The following NEDD9 variants were observed in gnomAD, a reference collection of about 807,000 sequenced individuals.
NEDD9 encodes the protein enhancer of filamentation 1.
NEDD9 carries 26 observed loss-of-function variants against 76.6 expected under a neutral mutation model. The ratio of observed to expected loss-of-function variants is 0.34; its 90% CI spans 0.25 to 0.47. The LOEUF (loss-of-function observed/expected upper bound fraction) is 0.47. Ranked by LOEUF, NEDD9 falls within the 20% of genes least tolerant of loss-of-function variation. NEDD9 has a pLI of 1.00. For missense variants in NEDD9, 937 were observed against 1,058.5 expected (o/e 0.89, Z 1.59); for synonymous variants, 392 against 414.2 (o/e 0.95, Z 0.65).
At chr6:11,224,284 T>C (rs972674985) in intron 1 of NEDD9, among the ~76,000 whole-genome samples, 3 of 152,234 alleles carry the variant, frequency 2.0e-5, no homozygotes, top group Non-Finnish European at 4.4e-5. Context: ...CCAGTGCCTC[T>C]GGGCCTCTGT....
intron 1 of NEDD9, among the ~76,000 whole-genome samples, chr6:11,215,055 C>T (rs1448655074): frequency 3.3e-5 from 5 of 152,214 alleles, no homozygotes; most frequent in Non-Finnish European, 7.3e-5. Context: ...CTCGCGTCCC[C>T]TTGTGCTAGC....
chr6:11,291,186 T>C, intron 3 of NEDD9, among the ~76,000 whole-genome samples: 1 of 151,986 alleles, frequency 6.6e-6, no homozygotes, highest in Non-Finnish European at 1.5e-5. Context: ...ACTGCAGCAC[T>C]ATCCTCGTGA....
At chr6:11,259,965 C>G (rs1360473407) in intron 3 of NEDD9, among the ~76,000 whole-genome samples, 1 of 152,118 alleles carries the variant, frequency 6.6e-6, no homozygotes, top group Non-Finnish European at 1.5e-5. Flanking sequence ...CACACAGACA[C>G]ACACCCCACC....
chr6:11,322,799 C>A (rs759037195), intron 2 of NEDD9, among the ~76,000 whole-genome samples: 2 of 152,230 alleles, frequency 1.3e-5, no homozygotes, highest in African/African-American at 4.8e-5. Flanking sequence ...GCTCTAGGGG[C>A]GAGGCCTGGG....
intron 1 of NEDD9, among the ~76,000 whole-genome samples, chr6:11,377,936 A>C (rs1762993486): frequency 1.3e-5 from 2 of 152,114 alleles, no homozygotes; most frequent in African/African-American, 4.8e-5. Flanking sequence ...TTCTTCAATT[A>C]GTTTACATGA....
At chr6:11,287,103 T>C (rs1165806285) in intron 3 of NEDD9, among the ~76,000 whole-genome samples, 4 of 152,218 alleles carry the variant, frequency 2.6e-5, no homozygotes, top group African/African-American at 9.7e-5. Flanking sequence ...GTTTATCGTA[T>C]GTCAGTTATG....
chr6:11,334,350 T>A (rs749117134), intron 2 of NEDD9, among the ~76,000 whole-genome samples: 1 of 152,268 alleles, frequency 6.6e-6, no homozygotes, highest in South Asian at 2.1e-4. Context: ...GTATGTATTA[T>A]CTTTTGTCAT....
intron 3 of NEDD9, among the ~76,000 whole-genome samples, chr6:11,259,551 T>C (rs557951401): frequency 3.9e-5 from 6 of 152,374 alleles, no homozygotes; most frequent in African/African-American, 1.2e-4. Flanking sequence ...GCTCTAGGCA[T>C]GTGTTATTAT....
At chr6:11,328,499 C>A (rs1221175202) in intron 2 of NEDD9, 1 of 152,238 alleles carries the variant, frequency 6.6e-6, no homozygotes, top group South Asian at 2.1e-4. Context: ...CCAGAAGGCA[C>A]TGGGCAACCC....
At chr6:11,230,326 A>G (rs1759432710) in intron 1 of NEDD9, among the ~76,000 whole-genome samples, 1 of 152,232 alleles carries the variant, frequency 6.6e-6, no homozygotes, top group Non-Finnish European at 1.5e-5. Flanking sequence ...TGAGTTCTGG[A>G]GCCAGATCGC....
intron 1 of NEDD9, among the ~76,000 whole-genome samples, chr6:11,221,473 C>G (rs1028248640): frequency 2.6e-5 from 4 of 152,030 alleles, no homozygotes; most frequent in African/African-American, 9.7e-5. Flanking sequence ...TCACCCATAC[C>G]TTGACCAGAG....
chr6:11,207,515 G>A (rs753229312), intron 2 of NEDD9: 8 of 152,180 alleles, frequency 5.3e-5, no homozygotes, highest in Non-Finnish European at 7.3e-5. Context: ...GCCAACATTT[G>A]GCCGTGACCC....
intron 1 of NEDD9, among the ~76,000 whole-genome samples, chr6:11,380,248 T>G (rs1763038192): frequency 6.6e-6 from 1 of 152,234 alleles, no homozygotes; most frequent in Non-Finnish European, 1.5e-5. Flanking sequence ...GGTCTTAGCT[T>G]GGGTTCCCCC....
In NEDD9 at chr6:11,229,173, C is replaced by T. The variant is rs116580493; in HGVS notation, c.12+3331G>A. On this transcript the variant is annotated intron_variant, in intron 1 of 6. Transcript: ENST00000379446. The stretch of plus-strand genomic sequence containing the variant: ...ACACAGGACTCTGACTTTCAGAATG[C>T]ACCTTTCTTAATGGCATTGTAAGTT... Among the ~76,000 whole-genome samples, 378 of 152,334 alleles carry T rather than the reference C, an allele frequency of 2.5e-3. 3 individuals are homozygous for T. The highest frequency in any genetic ancestry group is 8.8e-3 in the African/African-American group (366 of 41,576).
In NEDD9 at chr6:11,184,984, A is replaced by G. The variant is rs1757939467; in HGVS notation, c.*178T>C. 10 of 787,064 alleles carry G rather than the reference A, an allele frequency of 1.3e-5. No individual in the cohort carries two copies. In the South Asian group the frequency reaches 2.0e-4, roughly 16 times the overall value. 48.8% of individuals were successfully genotyped at this position (787,064 alleles called of 1,614,324 possible). On this transcript the variant is annotated 3_prime_UTR_variant, in exon 7 of 7. Transcript: ENST00000379446. ...ATAAGAACCACTCAGGGGGAAAAAA[A>G]AAGATTTCCCTCTCCAGCTCCCTGA...
At chr6:11,287,665 A>C (rs149203420) in intron 3 of NEDD9, among the ~76,000 whole-genome samples, 10 of 152,102 alleles carry the variant, frequency 6.6e-5, no homozygotes, top group African/African-American at 2.4e-4. Flanking sequence ...ACACATTCCT[A>C]CTTAATGGTC....
chr6:11,319,368 A>C (rs749670260), intron 2 of NEDD9, among the ~76,000 whole-genome samples: 32 of 150,706 alleles, frequency 2.1e-4, no homozygotes, highest in Non-Finnish European at 3.4e-4. Context: ...CATGCACACT[A>C]ACATACACAC....
intron 3 of NEDD9, among the ~76,000 whole-genome samples, chr6:11,240,273 C>A (rs1396972711): frequency 1.3e-5 from 2 of 152,102 alleles, no homozygotes; most frequent in East Asian, 3.9e-4. Flanking sequence ...TGGGTCTCCA[C>A]ACTGTGAAGA....
intron 1 of NEDD9, among the ~76,000 whole-genome samples, chr6:11,343,567 C>T (rs569896766): frequency 6.6e-6 from 1 of 152,220 alleles, no homozygotes; most frequent in African/African-American, 2.4e-5. Context: ...ATATTACCTC[C>T]TAGAATGTAA....
Sources: allele counts gnomAD v4.1 joint callset (sites outside exome capture counted in the v4.1 genomes callset), GRCh38; gene constraint gnomAD v4.1.1; transcripts MANE v1.5; gene names NCBI Gene and HGNC (gene_info 2026-07-23, HGNC 2026-07-21).